PDK1: variants seen among roughly 807,000 people sequenced by gnomAD.
PDK1 encodes the protein [Pyruvate dehydrogenase (acetyl-transferring)] kinase isozyme 1, mitochondrial.
PDK1 carries 39 observed loss-of-function variants against 54.2 expected under a neutral mutation model. The ratio of observed to expected loss-of-function variants is 0.72; its 90% CI spans 0.56 to 0.94. The LOEUF (loss-of-function observed/expected upper bound fraction) is 0.94, where lower values mean the gene tolerates loss of function less well. Among genes scored for constraint, PDK1 ranks in the 40% least tolerant of loss-of-function variants. The pLI is 0.00. For synonymous variants in PDK1, 221 were observed against 207.1 expected (o/e 1.07, Z -0.58); for missense variants, 552 against 566.0 (o/e 0.98, Z 0.25).
At chr2:172,617,449 C>G in the PDK1 span, among the ~76,000 whole-genome samples, 2 of 152,206 alleles carry the variant, frequency 1.3e-5, no homozygotes, top group South Asian at 4.2e-4. Context: ...TTTATTCTCT[C>G]TCAGTTCTGG....
chr2:172,635,752 T>C, the PDK1 span, among the ~76,000 whole-genome samples: 1 of 152,200 alleles, frequency 6.6e-6, no homozygotes, highest in African/African-American at 2.4e-5. Flanking sequence ...GGAGTATGCC[T>C]TTCATATGCA....
the PDK1 span, among the ~76,000 whole-genome samples, chr2:172,623,748 C>A: frequency 6.6e-6 from 1 of 151,986 alleles, no homozygotes; most frequent in Non-Finnish European, 1.5e-5. Context: ...AAAGATAAAA[C>A]ACCAATGAAC....
At chr2:172,665,942 G>T in the PDK1 span, among the ~76,000 whole-genome samples, 130 of 152,242 alleles carry the variant, frequency 8.5e-4, no homozygotes, top group African/African-American at 3.0e-3. Context: ...TTATTTTGTG[G>T]CCATAAGCAT....
chr2:172,589,522 G>A (rs1020633761), intron 9 of PDK1, among the ~76,000 whole-genome samples: 7 of 152,214 alleles, frequency 4.6e-5, no homozygotes, highest in Non-Finnish European at 7.3e-5. Context: ...GACTTCCTCT[G>A]AACTCCTGCT....
At chr2:172,716,083 A>G in the PDK1 span, among the ~76,000 whole-genome samples, 1 of 152,222 alleles carries the variant, frequency 6.6e-6, no homozygotes, top group Non-Finnish European at 1.5e-5. Flanking sequence ...TTTTTCAGAA[A>G]CTTCAATCCA....
chr2:172,573,146 TTTAAC>T (rs1689374156), intron 8 of PDK1, among the ~76,000 whole-genome samples: 1 of 152,202 alleles, frequency 6.6e-6, no homozygotes, highest in South Asian at 2.1e-4. Flanking sequence ...GGAAACTCTG[TTTAAC>T]TTGAGAAACT....
the PDK1 span, among the ~76,000 whole-genome samples, chr2:172,620,761 T>C: frequency 2.6e-5 from 4 of 152,158 alleles, no homozygotes; most frequent in African/African-American, 7.2e-5. Flanking sequence ...GTTCTTGCTT[T>C]CACCATGTGA....
At chr2:172,555,927 G>A, upstream of PDK1, 2 of 375,338 alleles carry the variant, frequency 5.3e-6, no homozygotes, top group Admixed American at 4.7e-5. Context: ...ACTCCGGCGA[G>A]GGGGCGGGCC....
the PDK1 span, among the ~76,000 whole-genome samples, chr2:172,625,521 A>G: frequency 6.6e-6 from 1 of 152,006 alleles, no homozygotes; most frequent in Non-Finnish European, 1.5e-5. Context: ...ATACCTCTCT[A>G]TGCTTGGAAC....
chr2:172,640,240 C>T, the PDK1 span, among the ~76,000 whole-genome samples: 3 of 152,132 alleles, frequency 2.0e-5, no homozygotes, highest in Admixed American at 6.5e-5. Context: ...CATTTTAGTA[C>T]GGTTAAGTTA....
At chr2:172,578,560 G>A (rs1689706131) in intron 8 of PDK1, among the ~76,000 whole-genome samples, 1 of 152,098 alleles carries the variant, frequency 6.6e-6, no homozygotes. Context: ...TGAGTTTACT[G>A]ACTCAGGTAT....
At chr2:172,723,673 T>G in the PDK1 span, 1 of 152,208 alleles carries the variant, frequency 6.6e-6, no homozygotes, top group Non-Finnish European at 1.5e-5. Flanking sequence ...GCCAAAGAGA[T>G]AGTTTTAAAT....
the PDK1 span, among the ~76,000 whole-genome samples, chr2:172,675,607 A>C: frequency 6.6e-6 from 1 of 152,228 alleles, no homozygotes; most frequent in South Asian, 2.1e-4. Flanking sequence ...AAGCTACAGC[A>C]GAAAAGTTTG....
the PDK1 span, among the ~76,000 whole-genome samples, chr2:172,710,915 C>A: frequency 6.6e-6 from 1 of 152,218 alleles, no homozygotes; most frequent in African/African-American, 2.4e-5. Flanking sequence ...CATCACGTAA[C>A]TAAATTCTCT....
At chr2:172,592,001 G>T (rs1690614886) in intron 9 of PDK1, among the ~76,000 whole-genome samples, 1 of 152,024 alleles carries the variant, frequency 6.6e-6, no homozygotes, top group Non-Finnish European at 1.5e-5. Flanking sequence ...TCCCTTAATC[G>T]CCTGGGAGGA....
At chr2:172,650,897 C>G in the PDK1 span, among the ~76,000 whole-genome samples, 1 of 152,236 alleles carries the variant, frequency 6.6e-6, no homozygotes, top group East Asian at 1.9e-4. Flanking sequence ...CTTTAACACC[C>G]CACTGTCAAC....
At chr2:172,642,865 C>T in the PDK1 span, among the ~76,000 whole-genome samples, 1 of 151,846 alleles carries the variant, frequency 6.6e-6, no homozygotes, top group South Asian at 2.1e-4. Flanking sequence ...TCCTTCTCCT[C>T]CTCCTCCTCC....
At chr2:172,586,458 G>A (rs1690235677) in intron 9 of PDK1, 70 bp downstream of exon 9, 1 of 909,260 alleles carries the variant, frequency 1.1e-6, no homozygotes, top group African/African-American at 1.6e-5. Flanking sequence ...TGCCAAATAA[G>A]TAAGTTAAGC....
chr2:172,690,770 A>G, the PDK1 span, among the ~76,000 whole-genome samples: 1 of 143,062 alleles, frequency 7.0e-6, no homozygotes, highest in African/African-American at 2.5e-5. Flanking sequence ...CAAACAGTGC[A>G]TGTTCTCACT....
Sources: gnomAD v4.1 joint callset for allele counts (sites outside exome capture counted in the v4.1 genomes callset) on GRCh38, gnomAD v4.1.1 for gene constraint, MANE v1.5 for transcripts, NCBI Gene and HGNC (gene_info 2026-07-23, HGNC 2026-07-21) for gene names.